Variants in JHY observed in about 807,000 individuals in gnomAD.
The protein encoded by JHY is junctional cadherin complex regulator.
A neutral mutation model predicts 78.0 loss-of-function variants in JHY; 69 were observed. That is an observed-to-expected ratio of 0.88 (90% CI 0.73 to 1.08). The LOEUF is 1.08. Ranked by LOEUF, JHY falls within the 50% of genes least tolerant of loss-of-function variation. JHY has a pLI of 0.00. For synonymous variants in JHY, 368 were observed against 342.6 expected (o/e 1.07, Z -0.82); for missense variants, 944 against 927.8 (o/e 1.02, Z -0.23).
At chr11:122,893,588 T>G (rs1035728715) in intron 2 of JHY, among the ~76,000 whole-genome samples, 1 of 152,198 alleles carries the variant, frequency 6.6e-6, no homozygotes, top group African/African-American at 2.4e-5. Flanking sequence ...CGCTGTGAGT[T>G]TATCAAGAGG....
At chr11:122,912,410 A>G (rs1863150825) in intron 3 of JHY, among the ~76,000 whole-genome samples, 1 of 152,134 alleles carries the variant, frequency 6.6e-6, no homozygotes, top group South Asian at 2.1e-4. Context: ...TGCAAGATCT[A>G]GAGGAAGAGC....
rs572232408 is a variant in JHY, at chr11:122,951,177, A to G, written c.1929+4385A>G. 3.8e-4 allele frequency among the ~76,000 whole-genome samples: 58 copies of G among 152,338 alleles called. 2 individuals carry two copies. In the South Asian group the frequency reaches 9.3e-3, roughly 25 times the overall value. The stretch of plus-strand genomic sequence containing the variant: ...TAAAACTTGGAGGATTTGTAAAGAT[A>G]ATAGGCCCAAGCACCCTTCCTCTTC... On this transcript the variant is annotated intron_variant, in intron 6 of 8. Transcript: ENST00000227349.
In JHY at chr11:122,917,617, C is replaced by G. The variant is rs1176613430; in HGVS notation, c.865-7280C>G. On this transcript the variant is annotated intron_variant, in intron 3 of 8. Coordinates refer to ENST00000227349, the MANE Select transcript of JHY (RefSeq NM_024806.4). The surrounding 1 kb of genome is among the most constrained non-coding windows in gnomAD (Gnocchi z 4.1). ...GATACATGCTCAAATTTTAAAACCCCTATGTTAAAATGTTAGGCCTTTCCT... is the reference window on the plus strand; with the variant it reads ...GATACATGCTCAAATTTTAAAACCCGTATGTTAAAATGTTAGGCCTTTCCT... 1.3e-5 allele frequency among the ~76,000 whole-genome samples: 2 copies of G among 152,194 alleles called. No individual in the cohort carries two copies. The highest frequency in any genetic ancestry group is 1.3e-4 in the Admixed American group (2 of 15,280).
intron 5 of JHY, among the ~76,000 whole-genome samples, chr11:122,945,372 A>G (rs1591396184): frequency 6.6e-6 from 1 of 152,134 alleles, no homozygotes; most frequent in African/African-American, 2.4e-5. Context: ...AAAATACAGG[A>G]TTTTTAAATA....
intron 4 of JHY, among the ~76,000 whole-genome samples, chr11:122,931,655 G>T (rs1863638971): frequency 6.6e-6 from 1 of 152,130 alleles, no homozygotes; most frequent in East Asian, 1.9e-4. Context: ...TGATCTCAGA[G>T]CCCAGGCACA....
chr11:122,949,580 C>T, intron 6 of JHY, among the ~76,000 whole-genome samples: 1 of 152,156 alleles, frequency 6.6e-6, no homozygotes, highest in Non-Finnish European at 1.5e-5. Context: ...CTGCAGCTCC[C>T]ATCTTGAGCC....
intron 2 of JHY, among the ~76,000 whole-genome samples, chr11:122,890,891 G>A (rs1862601035): frequency 6.6e-6 from 1 of 152,084 alleles, no homozygotes; most frequent in African/African-American, 2.4e-5. Flanking sequence ...CTGAAATTAG[G>A]ATAACCAGTT....
At position 122,959,522 on chromosome 11, in the gene JHY, G is replaced by C; in HGVS notation, c.*77G>C. The C allele has an allele frequency of 7.4e-7, 1 of 1,357,548 alleles. No individual in the cohort carries two copies. Among genetic ancestry groups the C allele is most frequent in the Non-Finnish European group, 1.0e-6 (1 of 970,160 alleles). The allele number at this position is 1,357,548 out of a possible 1,614,324, so 84.1% of individuals were successfully genotyped here. ...AAAAGAAACGCCAACCACCTTCTCT[G>C]CGTTGAGAGTAATGGCCTATTATTA... On this transcript the variant is annotated 3_prime_UTR_variant, in exon 9 of 9. Coordinates refer to ENST00000227349, the MANE Select transcript of JHY (RefSeq NM_024806.4).
At chr11:122,947,316 C>A (rs1322076088) in intron 6 of JHY, 1 of 152,620 alleles carries the variant, frequency 6.6e-6, no homozygotes, top group Non-Finnish European at 1.5e-5. Context: ...CAGTAAAATA[C>A]CTGGGCTGGC....
intron 2 of JHY, among the ~76,000 whole-genome samples, chr11:122,891,932 A>G (rs1011706357): frequency 7.2e-5 from 11 of 152,228 alleles, no homozygotes; most frequent in African/African-American, 2.2e-4. Context: ...AATTAAAACT[A>G]TGACAATTTC....
chr11:122,918,935 G>C (rs1236532549), intron 3 of JHY, among the ~76,000 whole-genome samples: 1 of 152,094 alleles, frequency 6.6e-6, no homozygotes, highest in Non-Finnish European at 1.5e-5. Context: ...CAAAAGCAAA[G>C]TACAGAGTAC....
Position 122,944,342 on chromosome 11 carries a change from T to A in JHY, c.1635-2156T>A, listed in dbSNP as rs139170289. Among the ~76,000 whole-genome samples the A allele has an allele frequency of 4.2e-3, 643 of 152,342 alleles. 2 individuals carry two copies. The highest frequency in any genetic ancestry group is 6.8e-3 in the Middle Eastern group (2 of 294). On this transcript the variant is annotated intron_variant, in intron 5 of 8. Transcript: ENST00000227349. ...TCTTTTATATCCTCTACTAACCTGA[T>A]AGAATTTTCTTTATTTTTCCTTCTA...
At chr11:122,957,531 A>G (rs1416302902) in intron 8 of JHY, 40 bp downstream of exon 8, 12 of 1,502,234 alleles carry the variant, frequency 8.0e-6, no homozygotes, top group East Asian at 2.7e-5. Flanking sequence ...TTTCAAGCAG[A>G]ATTAAAAGGA....
intron 2 of JHY, among the ~76,000 whole-genome samples, chr11:122,892,408 C>T (rs552124317): frequency 7.9e-5 from 12 of 151,866 alleles, no homozygotes; most frequent in Admixed American, 2.0e-4. Flanking sequence ...CTGCAACCTC[C>T]GCCTCCTGGG....
rs1448570859 is a variant in JHY, at chr11:122,961,395, C to T, written c.*1950C>T. The stretch of plus-strand genomic sequence containing the variant: ...AGGCTGGAGTGCAGTGGCACAATCT[C>T]GGTTCACTGCAACTCCGCCTCCTGG... On this transcript the variant is annotated 3_prime_UTR_variant, in exon 9 of 9. Coordinates refer to ENST00000227349, the MANE Select transcript of JHY (RefSeq NM_024806.4). Among the ~76,000 whole-genome samples the T allele has an allele frequency of 9.2e-6, 1 of 108,666 alleles. No homozygotes were observed. The highest frequency in any genetic ancestry group is 3.3e-5 in the African/African-American group (1 of 30,246). The allele number at this position is 108,666 out of a possible 152,430, so 71.3% of individuals were successfully genotyped here.
intron 5 of JHY, among the ~76,000 whole-genome samples, chr11:122,942,679 C>G (rs1420131551): frequency 6.6e-6 from 1 of 152,098 alleles, no homozygotes; most frequent in African/African-American, 2.4e-5. Context: ...CTGCCTTGGC[C>G]TCCCAAAGTG....
chr11:122,903,446 G>A (rs968669332), intron 2 of JHY, among the ~76,000 whole-genome samples: 1 of 151,724 alleles, frequency 6.6e-6, no homozygotes, highest in Non-Finnish European at 1.5e-5. Context: ...GTCTAATTTG[G>A]GCCTGGGATC....
intron 3 of JHY, among the ~76,000 whole-genome samples, chr11:122,919,717 G>C (rs1191327224): frequency 6.6e-6 from 1 of 152,166 alleles, no homozygotes; most frequent in Non-Finnish European, 1.5e-5. Context: ...GGCGGCTCAC[G>C]CCTGTAATCC....
intron 2 of JHY, among the ~76,000 whole-genome samples, chr11:122,896,259 C>T (rs1862738006): frequency 7.1e-6 from 1 of 141,144 alleles, no homozygotes; most frequent in Admixed American, 7.8e-5. Flanking sequence ...GGAAATTTGG[C>T]TTGAACCCAG....
Sources: gnomAD v4.1 joint callset for allele counts (sites outside exome capture counted in the v4.1 genomes callset) on GRCh38, gnomAD v4.1.1 for gene constraint, Gnocchi (gnomAD v3.1) non-coding constraint, MANE v1.5 for transcripts, NCBI Gene and HGNC (gene_info 2026-07-23, HGNC 2026-07-21) for gene names.